Variants in EPB41L1 observed in about 807,000 individuals in gnomAD.
EPB41L1 encodes the protein erythrocyte membrane protein band 4.1 like 1, also known as band 4.1-like protein 1.
Under a neutral mutation model 97.8 loss-of-function variants are expected in EPB41L1, and 29 were observed. That is an observed-to-expected ratio of 0.30 (90% CI 0.22 to 0.40). EPB41L1 has a LOEUF of 0.40. Among genes scored for constraint, EPB41L1 ranks in the 10% least tolerant of loss-of-function variants. The pLI is 1.00. For synonymous variants in EPB41L1, 383 were observed against 459.2 expected, an observed-to-expected ratio of 0.83 and a Z score of 2.12; for missense variants, 812 against 1,162.3, an observed-to-expected ratio of 0.70 and a Z score of 4.38.
At chr20:36,229,144 G>C (rs2064362377) in intron 21 of EPB41L1, among the ~76,000 whole-genome samples, 188 bp from the exon 22 acceptor site, 1 of 152,080 alleles carries the variant, frequency 6.6e-6, no homozygotes, top group Non-Finnish European at 1.5e-5. Flanking sequence ...CCAAGTAGCT[G>C]GGATTACAGG....
chr20:36,130,949 C>T (rs1037483902), intron 2 of EPB41L1, among the ~76,000 whole-genome samples: 3 of 150,990 alleles, frequency 2.0e-5, no homozygotes, highest in African/African-American at 4.9e-5. Flanking sequence ...GCTGGGATTA[C>T]AGGAGCCCGC....
intron 13 of EPB41L1, among the ~76,000 whole-genome samples, chr20:36,196,520 G>A (rs897404213): frequency 6.6e-6 from 1 of 152,218 alleles, no homozygotes; most frequent in Non-Finnish European, 1.5e-5. Context: ...CTCAGCTTGG[G>A]AAGGGATGCC....
Position 36,195,374 on chromosome 20 carries a change from G to A in EPB41L1, c.1485+10G>A. 4 of 1,613,794 alleles carry A rather than the reference G, an allele frequency of 2.5e-6. No individual in the cohort carries two copies. The highest frequency in any genetic ancestry group is 3.4e-6 in the Non-Finnish European group (4 of 1,179,950). ...GAGACACAAGCAGGAGGTACTGCAT[G>A]GGACCTGTCCCTCCCTACCCAGCCG... On this transcript the variant is annotated intron_variant, in intron 13 of 21. Transcript: ENST00000338074. The surrounding 1 kb of genome is among the most constrained non-coding windows in gnomAD (Gnocchi z 4.6).
chr20:36,185,452 C>T, intron 7 of EPB41L1, 117 bp downstream of exon 7: 2 of 944,686 alleles, frequency 2.1e-6, no homozygotes, highest in Middle Eastern at 6.2e-4. Flanking sequence ...CCTGGCTCTG[C>T]CCCTAGCTTG....
chr20:36,111,143 A>G (rs557807914), intron 1 of EPB41L1, among the ~76,000 whole-genome samples: 33 of 152,194 alleles, frequency 2.2e-4, no homozygotes, highest in African/African-American at 5.1e-4. Flanking sequence ...TTTTACTCCT[A>G]TTTTCCAAAT....
intron 6 of EPB41L1, 115 bp downstream of exon 6, chr20:36,182,462 C>G (rs1020453381): frequency 2.4e-5 from 28 of 1,154,274 alleles, no homozygotes; most frequent in Non-Finnish European, 3.6e-5. Context: ...CAGTCGCCTA[C>G]CGAGGTCAGG....
At chr20:36,191,966 C>T (rs1380261271) in intron 11 of EPB41L1, among the ~76,000 whole-genome samples, 2 of 152,176 alleles carry the variant, frequency 1.3e-5, no homozygotes, top group Non-Finnish European at 2.9e-5. Context: ...TGACTCATGC[C>T]TGTAATCCCA....
Position 36,229,611 on chromosome 20 carries a change from T to C in EPB41L1, c.*271T>C. 2.8e-6 allele frequency: 1 copy of C among 360,540 alleles called. No homozygotes were observed. Among genetic ancestry groups the C allele is most frequent in the Non-Finnish European group, 5.0e-6 (1 of 201,398 alleles). 22.3% of individuals were successfully genotyped at this position (360,540 alleles called of 1,614,324 possible). A position where few individuals can be genotyped will look rare whatever the true frequency, so the allele number is the denominator to read the frequency against. On this transcript the variant is annotated 3_prime_UTR_variant, in exon 22 of 22. Transcript: ENST00000338074. Reference sequence around the variant, plus strand: ...CCGACATCTGAACACCTACATTTCCTTTGCAGACAAATTGAAGAACTGGTG... The same window carrying C: ...CCGACATCTGAACACCTACATTTCCCTTGCAGACAAATTGAAGAACTGGTG...
intron 7 of EPB41L1, among the ~76,000 whole-genome samples, chr20:36,185,618 G>C (rs2061652226): frequency 6.6e-6 from 1 of 152,198 alleles, no homozygotes; most frequent in African/African-American, 2.4e-5. Context: ...TCTGCCAACT[G>C]GAGAAAATAA....
chr20:36,211,640 G>A (rs923067789), intron 15 of EPB41L1, among the ~76,000 whole-genome samples: 5 of 152,116 alleles, frequency 3.3e-5, no homozygotes, highest in African/African-American at 1.2e-4. Flanking sequence ...GATCACTTGA[G>A]GTCAGGGGTT....
intron 2 of EPB41L1, among the ~76,000 whole-genome samples, chr20:36,116,807 G>C (rs2058598938): frequency 6.6e-6 from 1 of 152,206 alleles, no homozygotes; most frequent in Non-Finnish European, 1.5e-5. Context: ...CCTGGGCTCT[G>C]TCCCTAAAGT....
chr20:36,166,788 C>G (rs2060755217), intron 1 of EPB41L1, among the ~76,000 whole-genome samples: 1 of 152,064 alleles, frequency 6.6e-6, no homozygotes. Context: ...TTGCTTGAAC[C>G]TGGGAGGTGG....
At chr20:36,221,770 C>A in intron 19 of EPB41L1, 94 bp from the exon 20 acceptor site, 2 of 1,076,322 alleles carry the variant, frequency 1.9e-6, no homozygotes, top group Non-Finnish European at 2.9e-6. Flanking sequence ...TGGTTCTCAG[C>A]CCTGCCCTCG....
chr20:36,222,532 T>C, intron 21 of EPB41L1, 138 bp downstream of exon 21: 1 of 693,550 alleles, frequency 1.4e-6, no homozygotes, highest in Non-Finnish European at 2.5e-6. Context: ...GCCTTCCTGA[T>C]TTGCTGCTCA....
chr20:36,098,278 G>A (rs1440811668), intron 1 of EPB41L1, among the ~76,000 whole-genome samples: 1 of 152,122 alleles, frequency 6.6e-6, no homozygotes, highest in East Asian at 1.9e-4. Flanking sequence ...CAGAGTTTGA[G>A]GGTCCTAGGT....
chr20:36,163,215 C>T (rs1171894683), intron 1 of EPB41L1, among the ~76,000 whole-genome samples: 2 of 149,842 alleles, frequency 1.3e-5, no homozygotes, highest in Non-Finnish European at 3.0e-5. Flanking sequence ...TTGAAAAATA[C>T]GGAGAAAAAG....
intron 2 of EPB41L1, among the ~76,000 whole-genome samples, chr20:36,130,816 T>TCTC (rs60416409): frequency 6.7e-6 from 1 of 150,198 alleles, no homozygotes; most frequent in African/African-American, 2.5e-5. Context: ...TCTCTCTCTC[T>TCTC]TTTTTTCCCC....
At chr20:36,102,036 C>CAAAACA (rs145505987) in intron 1 of EPB41L1, among the ~76,000 whole-genome samples, 30 of 148,830 alleles carry the variant, frequency 2.0e-4, no homozygotes, top group Admixed American at 7.4e-4. Context: ...CAAAACAAAA[C>CAAAACA]AAAAAAAACA....
chr20:36,225,824 C>A (rs185999811), intron 21 of EPB41L1, among the ~76,000 whole-genome samples: 1 of 152,284 alleles, frequency 6.6e-6, no homozygotes, highest in Non-Finnish European at 1.5e-5. Flanking sequence ...TCATCCTGGC[C>A]TCCACATCCT....
Sources: allele counts gnomAD v4.1 joint callset (sites outside exome capture counted in the v4.1 genomes callset), GRCh38; gene constraint gnomAD v4.1.1; non-coding constraint Gnocchi (gnomAD v3.1); transcripts MANE v1.5; gene names NCBI Gene and HGNC (gene_info 2026-07-23, HGNC 2026-07-21).